IMMP2L: variants seen among roughly 807,000 people sequenced by gnomAD.
The protein encoded by IMMP2L is inner mitochondrial membrane peptidase subunit 2.
IMMP2L carries 18 observed loss-of-function variants against 19.3 expected under a neutral mutation model. The ratio of observed to expected loss-of-function variants is 0.93; its 90% confidence interval spans 0.64 to 1.38. The LOEUF (loss-of-function observed/expected upper bound fraction) is 1.38, where lower values mean the gene tolerates loss of function less well. Ranked by LOEUF, IMMP2L falls within the 40% of genes most tolerant of loss-of-function variation. The pLI is 0.00. For synonymous variants in IMMP2L, 76 were observed against 73.0 expected (o/e 1.04, Z -0.21); for missense variants, 233 against 218.2 (o/e 1.07, Z -0.43).
chr7:111,238,045 G>A (rs957609588), intron 3 of IMMP2L, among the ~76,000 whole-genome samples: 2 of 152,062 alleles, frequency 1.3e-5, no homozygotes, highest in Admixed American at 6.6e-5. Flanking sequence ...CTTATGTGAA[G>A]AAGATGGACT....
chr7:111,265,280 G>A (rs1413549414), intron 3 of IMMP2L, among the ~76,000 whole-genome samples: 1 of 152,140 alleles, frequency 6.6e-6, no homozygotes, highest in Admixed American at 6.6e-5. Flanking sequence ...TGTTGGAAAT[G>A]TATTCTATTA....
intron 3 of IMMP2L, among the ~76,000 whole-genome samples, chr7:111,210,033 C>T (rs757254888): frequency 3.3e-5 from 5 of 152,136 alleles, no homozygotes; most frequent in African/African-American, 9.7e-5. Flanking sequence ...ATCTCTTCTC[C>T]GTGTCCTCTC....
intron 5 of IMMP2L, among the ~76,000 whole-genome samples, chr7:110,773,727 G>A (rs1382926128): frequency 6.6e-6 from 1 of 152,002 alleles, no homozygotes; most frequent in East Asian, 1.9e-4. Context: ...GAGTTCTTAG[G>A]TGAGAAAGGA....
intron 3 of IMMP2L, among the ~76,000 whole-genome samples, chr7:111,470,120 A>G (rs1373928528): frequency 1.3e-5 from 2 of 152,226 alleles, no homozygotes; most frequent in Non-Finnish European, 1.5e-5. Context: ...AGACACATGA[A>G]AAAATGCTCA....
intron 3 of IMMP2L, among the ~76,000 whole-genome samples, chr7:111,241,620 G>T (rs1586991039): frequency 6.6e-6 from 1 of 151,794 alleles, no homozygotes; most frequent in African/African-American, 2.4e-5. Flanking sequence ...AATGCAACTT[G>T]TTATGGCATT....
intron 1 of IMMP2L, among the ~76,000 whole-genome samples, chr7:111,556,898 C>G (rs898089773): frequency 2.2e-4 from 34 of 152,088 alleles, no homozygotes; most frequent in African/African-American, 7.2e-4. Flanking sequence ...TTCTAGACAT[C>G]TCACACTTGC....
intron 1 of IMMP2L, among the ~76,000 whole-genome samples, chr7:111,541,654 CAATA>C (rs1848512799): frequency 6.6e-6 from 1 of 151,850 alleles, no homozygotes; most frequent in Admixed American, 6.6e-5. Context: ...ATGACTGTGA[CAATA>C]AATGGCTTAG....
At chr7:110,960,539 G>GT (rs1380002962) in intron 4 of IMMP2L, among the ~76,000 whole-genome samples, 1 of 151,648 alleles carries the variant, frequency 6.6e-6, no homozygotes, top group Non-Finnish European at 1.5e-5. Flanking sequence ...GATTTGCATC[G>GT]TATCTATATA....
At chr7:111,462,545 T>A (rs1193254463) in intron 3 of IMMP2L, among the ~76,000 whole-genome samples, 2 of 152,200 alleles carry the variant, frequency 1.3e-5, no homozygotes, top group Admixed American at 1.3e-4. Context: ...TACATAATAG[T>A]TGTATTTATG....
intron 3 of IMMP2L, among the ~76,000 whole-genome samples, chr7:111,362,452 T>C (rs2131004447): frequency 6.6e-6 from 1 of 152,218 alleles, no homozygotes; most frequent in South Asian, 2.1e-4. Flanking sequence ...TACTCATTGC[T>C]AGTATAAGGT....
intron 3 of IMMP2L, among the ~76,000 whole-genome samples, chr7:111,352,063 T>C (rs1828218070): frequency 6.6e-6 from 1 of 152,106 alleles, no homozygotes; most frequent in Admixed American, 6.6e-5. Flanking sequence ...ATGCTTCCCA[T>C]TAACACAACA....
At chr7:110,849,680 T>C (rs919823751) in intron 5 of IMMP2L, among the ~76,000 whole-genome samples, 3 of 152,228 alleles carry the variant, frequency 2.0e-5, no homozygotes, top group East Asian at 1.9e-4. Context: ...GTGAAATAGA[T>C]GCTACCTTAC....
intron 3 of IMMP2L, among the ~76,000 whole-genome samples, chr7:111,173,652 T>C (rs1359238577): frequency 6.6e-6 from 1 of 151,588 alleles, no homozygotes; most frequent in Non-Finnish European, 1.5e-5. Context: ...AGTGAATGCA[T>C]TTCTGGAGTA....
chr7:111,546,759 G>A (rs1313250565), intron 1 of IMMP2L, among the ~76,000 whole-genome samples: 1 of 152,106 alleles, frequency 6.6e-6, no homozygotes, highest in Non-Finnish European at 1.5e-5. Context: ...TTTAGTGAGA[G>A]CCTACTGCAT....
At chr7:111,556,035 T>TATATATATATATATATATATACAC (rs1554550178) in intron 1 of IMMP2L, among the ~76,000 whole-genome samples, 57 of 135,726 alleles carry the variant, frequency 4.2e-4, no homozygotes, top group African/African-American at 1.5e-3. Flanking sequence ...TATATATATA[T>TATATATATATATATATATATACAC]ACATACCCAA....
intron 3 of IMMP2L, among the ~76,000 whole-genome samples, chr7:111,313,406 G>C (rs1429740454): frequency 6.6e-6 from 1 of 151,970 alleles, no homozygotes; most frequent in Non-Finnish European, 1.5e-5. Context: ...ATAGATAAGA[G>C]ATAACAGCAC....
Position 111,321,646 on chromosome 7 carries a change from C to T in IMMP2L, c.239+165592G>A, listed in dbSNP as rs114664760. ...ATTTTAGCCTTAAATCCAAAGCTTG[C>T]TTTACTATATAGCTATGCTCTAAAT... On this transcript the variant is annotated intron_variant, in intron 3 of 5. Coordinates refer to ENST00000405709, the MANE Select transcript of IMMP2L (RefSeq NM_032549.4). 3.9e-5 allele frequency among the ~76,000 whole-genome samples: 6 copies of T among 152,010 alleles called. No individual in the cohort carries two copies. The East Asian group carries it at 1.2e-3, about 29-fold the overall frequency.
intron 1 of IMMP2L, among the ~76,000 whole-genome samples, chr7:111,527,423 G>A (rs1370321561): frequency 5.9e-5 from 2 of 33,924 alleles, no homozygotes; most frequent in Non-Finnish European, 8.3e-5. Flanking sequence ...TCTCCAAAAA[G>A]GGGGGGGGGG....
intron 5 of IMMP2L, among the ~76,000 whole-genome samples, chr7:110,812,574 T>A (rs1052320233): frequency 1.3e-5 from 2 of 151,998 alleles, no homozygotes; most frequent in Non-Finnish European, 2.9e-5. Flanking sequence ...CATATGTTGG[T>A]TCTAATGAAA....
Sources: gnomAD v4.1 joint callset for allele counts (sites outside exome capture counted in the v4.1 genomes callset) on GRCh38, gnomAD v4.1.1 for gene constraint, MANE v1.5 for transcripts, NCBI Gene and HGNC (gene_info 2026-07-23, HGNC 2026-07-21) for gene names.